MYMK: variants seen among roughly 807,000 people sequenced by gnomAD.
MYMK encodes the protein myomaker, myoblast fusion factor.
MYMK carries 16 observed loss-of-function variants against 22.4 expected under a neutral mutation model. That is an observed-to-expected ratio of 0.72 (90% confidence interval 0.48 to 1.09). The LOEUF (loss-of-function observed/expected upper bound fraction) is 1.09. Ranked by LOEUF, MYMK falls within the 50% of genes least tolerant of loss-of-function variation. MYMK has a pLI of 0.00. For synonymous variants in MYMK, 125 were observed against 127.0 expected (o/e 0.98, Z 0.11); for missense variants, 250 against 295.6 (o/e 0.85, Z 1.13).
intron 1 of MYMK, among the ~76,000 whole-genome samples, chr9:133,522,591 G>C (rs889204408): frequency 1.1e-4 from 16 of 152,236 alleles, no homozygotes; most frequent in Non-Finnish European, 2.2e-4. Context: ...TCTGAGACCA[G>C]TGCAGAGGCA....
At chr9:133,522,602 G>C (rs555305583) in intron 1 of MYMK, among the ~76,000 whole-genome samples, 1 of 152,330 alleles carries the variant, frequency 6.6e-6, no homozygotes, top group African/African-American at 2.4e-5. Flanking sequence ...TGCAGAGGCA[G>C]CTGCGGGGCC....
chr9:133,520,248 C>T lies in MYMK; in HGVS notation c.176G>A (p.Cys59Tyr), dbSNP rs1844685747. 1 of 1,614,024 alleles carries T rather than the reference C, an allele frequency of 6.2e-7. No homozygotes were observed. The change falls in exon 2 of 5, where the codon TGC becomes TAC. Residue 59 changes from cysteine (C) to tyrosine (Y), a missense_variant. Physicochemically the swap from Cys to Tyr is radical, Grantham distance 194. Coordinates refer to ENST00000339996, the MANE Select transcript of MYMK (RefSeq NM_001080483.3). The part of the protein sequence containing the change: ...ACNGPGLSVL[C>Y]FMRHDILEYF... ...CTCCAGGATGTCGTGACGCATGAAG[C>T]ACAGCACAGACAAGCCGGGTCCATT... is the stretch of plus-strand genomic sequence containing the variant.
chr9:133,516,769 A>G (rs1844635173), intron 3 of MYMK, among the ~76,000 whole-genome samples: 2 of 152,080 alleles, frequency 1.3e-5, no homozygotes, highest in Non-Finnish European at 2.9e-5. Context: ...ACCAGGGAGA[A>G]GAGAGGTGCC....
rs1437091653 is a variant in MYMK at position 133,524,846 on chromosome 9, G to A, written c.-2C>T. The A allele has an allele frequency of 1.2e-6, 2 of 1,605,972 alleles. No homozygotes were observed. The highest frequency in any genetic ancestry group is 1.7e-6 in the Non-Finnish European group (2 of 1,175,802). Reference sequence around the variant, plus strand: ...CAGCTTGGCCACCAGCGTCCCCATGGGCCAGGAGGAAAGCACTGGCTGGGG... The same window carrying A: ...CAGCTTGGCCACCAGCGTCCCCATGAGCCAGGAGGAAAGCACTGGCTGGGG... On this transcript the variant is annotated 5_prime_UTR_variant, in exon 1 of 5. Coordinates refer to ENST00000339996, the MANE Select transcript of MYMK (RefSeq NM_001080483.3).
At chr9:133,517,997 G>T (rs929799666) in intron 3 of MYMK, among the ~76,000 whole-genome samples, 1 of 152,234 alleles carries the variant, frequency 6.6e-6, no homozygotes, top group African/African-American at 2.4e-5. Context: ...GAGACTTCAG[G>T]TCCACTCCAA....
chr9:133,515,719 G>T lies in MYMK; in HGVS notation c.400-112C>A, dbSNP rs1355383043. ...CACAGGCTCACCCCAGCCCTCTCCCGGCAGGAGAGGAGGCTCAGGAGCCTC... is the reference window on the plus strand; with the variant it reads ...CACAGGCTCACCCCAGCCCTCTCCCTGCAGGAGAGGAGGCTCAGGAGCCTC... On this transcript the variant is annotated intron_variant, in intron 3 of 4. Coordinates refer to ENST00000339996, the MANE Select transcript of MYMK (RefSeq NM_001080483.3). This position sits in a 1 kb window ranked among gnomAD's most constrained non-coding sequence, Gnocchi z 5.8. 1.4e-6 allele frequency: 1 copy of T among 690,782 alleles called. No homozygotes were observed. The highest frequency in any genetic ancestry group is 2.5e-6 in the Non-Finnish European group (1 of 394,948). 42.8% of individuals were successfully genotyped at this position (690,782 alleles called of 1,614,324 possible). A position where few individuals can be genotyped will look rare whatever the true frequency, so the allele number is the denominator to read the frequency against.
rs1192780632 is a variant in MYMK, at chr9:133,515,212, C to T, written c.516+279G>A. On this transcript the variant is annotated intron_variant, in intron 4 of 4. Coordinates refer to ENST00000339996, the MANE Select transcript of MYMK (RefSeq NM_001080483.3). The surrounding 1 kb of genome is among the most constrained non-coding windows in gnomAD (Gnocchi z 5.8). ...GTTGGGCACCTGCCCCAGGCGTCTC[C>T]CAGGCTGTGCTGCCGTCTGAGATGC... Among the ~76,000 whole-genome samples, 1 of 152,022 alleles carries T rather than the reference C, an allele frequency of 6.6e-6. No homozygotes were observed. Among genetic ancestry groups the T allele is most frequent in the African/African-American group, 2.4e-5 (1 of 41,394 alleles).
chr9:133,519,513 T>G (rs970255321), intron 2 of MYMK, among the ~76,000 whole-genome samples: 2 of 152,164 alleles, frequency 1.3e-5, no homozygotes, highest in Non-Finnish European at 2.9e-5. Context: ...TGAGCCGTGT[T>G]TGTGCCACTG....
At chr9:133,522,345 G>GC (rs375743210) in intron 1 of MYMK, among the ~76,000 whole-genome samples, 12 of 150,700 alleles carry the variant, frequency 8.0e-5, no homozygotes, top group African/African-American at 9.7e-5. Context: ...GTGGCTGTCG[G>GC]GGGGGGGCCT....
At position 133,524,888 on chromosome 9, in the gene MYMK, G is replaced by A. The variant is rs755740209; in HGVS notation, c.-44C>T. ...TGGCTGGGGTGGGGAGGGTGCTGGT[G>A]TCCCAGGTCCCCAGCACAGGAGCAC... On this transcript the variant is annotated 5_prime_UTR_variant, in exon 1 of 5. Transcript: ENST00000339996. 1.2e-5 allele frequency: 19 copies of A among 1,564,566 alleles called. No homozygotes were observed. Among genetic ancestry groups the A allele is most frequent in the Admixed American group, 1.8e-5 (1 of 55,110 alleles).
intron 3 of MYMK, among the ~76,000 whole-genome samples, chr9:133,517,933 G>A (rs1220898663): frequency 1.3e-5 from 2 of 152,244 alleles, no homozygotes; most frequent in Non-Finnish European, 1.5e-5. Flanking sequence ...GGGGCTGGCA[G>A]TGTGGCTGGG....
intron 1 of MYMK, among the ~76,000 whole-genome samples, chr9:133,520,503 G>A (rs147249016): frequency 2.0e-5 from 3 of 152,358 alleles, no homozygotes; most frequent in South Asian, 2.1e-4. Flanking sequence ...ACATGCCAGC[G>A]AGGTGTTTAG....
At position 133,520,251 on chromosome 9, in the gene MYMK, A is replaced by G; in HGVS notation, c.173T>C (p.Leu58Pro). The change falls in exon 2 of 5, where the codon CTG (leucine) becomes CCG (proline). Residue 58 changes from leucine (L) to proline (P), a missense_variant. By Grantham distance (98) the Leu-to-Pro change is moderately conservative. Coordinates refer to ENST00000339996, the MANE Select transcript of MYMK (RefSeq NM_001080483.3). Reference sequence around the variant, plus strand: ...CAGGATGTCGTGACGCATGAAGCACAGCACAGACAAGCCGGGTCCATTGCA... The same window carrying G: ...CAGGATGTCGTGACGCATGAAGCACGGCACAGACAAGCCGGGTCCATTGCA... Reference protein sequence around the residue: ...HACNGPGLSVLCFMRHDILEY... With the variant: ...HACNGPGLSVPCFMRHDILEY... 2 of 1,614,182 alleles carry G rather than the reference A, an allele frequency of 1.2e-6. No homozygotes were observed. Among genetic ancestry groups the G allele is most frequent in the South Asian group, 1.1e-5 (1 of 91,086 alleles).
At position 133,515,439 on chromosome 9, in the gene MYMK, C is replaced by A. The variant is rs1844619548; in HGVS notation, c.516+52G>T. 4 of 1,268,938 alleles carry A rather than the reference C, an allele frequency of 3.2e-6. No homozygotes were observed. Among genetic ancestry groups the A allele is most frequent in the Middle Eastern group, 1.9e-4 (1 of 5,276 alleles). The allele number at this position is 1,268,938 out of a possible 1,614,324, so 78.6% of individuals were successfully genotyped here. ...GCCCTGGTATCCCAGCTGAGCAGAG[C>A]CATGCCGAGTGGGCTCTGGGGCACA... On this transcript the variant is annotated intron_variant, in intron 4 of 4. Coordinates refer to ENST00000339996, the MANE Select transcript of MYMK (RefSeq NM_001080483.3). This position sits in a 1 kb window ranked among gnomAD's most constrained non-coding sequence, Gnocchi z 5.8.
intron 1 of MYMK, among the ~76,000 whole-genome samples, chr9:133,521,893 T>C (rs116058150): frequency 0.012 from 1,803 of 152,318 alleles, 38 homozygotes; most frequent in African/African-American, 0.041. Context: ...CACTGTGAGA[T>C]TGTGATAAGG....
intron 1 of MYMK, 30 bp from the exon 2 acceptor site, chr9:133,520,318 A>G (rs1844687417): frequency 6.3e-7 from 1 of 1,590,658 alleles, no homozygotes; most frequent in Admixed American, 1.7e-5. Context: ...TGGTCACAGC[A>G]CAAAGAGGCC....
At chr9:133,523,410 G>A (rs942892637) in intron 1 of MYMK, among the ~76,000 whole-genome samples, 9 of 152,052 alleles carry the variant, frequency 5.9e-5, no homozygotes, top group African/African-American at 2.2e-4. Context: ...CTAGTGGGAC[G>A]CTTGCCTCCC....
Position 133,515,483 on chromosome 9 carries a change from C to A in MYMK, c.516+8G>T. 6.3e-7 allele frequency: 1 copy of A among 1,595,794 alleles called. No individual in the cohort carries two copies. The highest frequency in any genetic ancestry group is 1.7e-5 in the Admixed American group (1 of 59,894). On this transcript the variant is annotated splice_region_variant and intron_variant, in intron 4 of 4. Transcript: ENST00000339996. The surrounding 1 kb of genome is among the most constrained non-coding windows in gnomAD (Gnocchi z 5.8). ...GGGCACAGGACACCTCCCCGCTGGG[C>A]TTGGTACCTCAAAGAAGAAGCGTAG...
At chr9:133,523,496 G>A (rs1305342334) in intron 1 of MYMK, among the ~76,000 whole-genome samples, 2 of 152,122 alleles carry the variant, frequency 1.3e-5, no homozygotes, top group East Asian at 1.9e-4. Flanking sequence ...GGAAGGCTTC[G>A]GGAGAGCAAG....
Sources: allele counts gnomAD v4.1 joint callset (sites outside exome capture counted in the v4.1 genomes callset), GRCh38; gene constraint gnomAD v4.1.1; non-coding constraint Gnocchi (gnomAD v3.1); transcripts MANE v1.5; gene names NCBI Gene and HGNC (gene_info 2026-07-23, HGNC 2026-07-21).